The following PDE4D variants were observed in gnomAD, a reference collection of about 807,000 sequenced individuals.
PDE4D encodes 3',5'-cyclic-AMP phosphodiesterase 4D.
In PDE4D, 24 loss-of-function variants were observed where a neutral mutation model predicts 87.4. The ratio of observed to expected loss-of-function variants is 0.27; its 90% CI spans 0.20 to 0.39. The LOEUF is 0.39. PDE4D is among the 10% of genes least tolerant of loss of function. PDE4D has a pLI of 1.00. For synonymous variants in PDE4D, 384 were observed against 383.2 expected, an observed-to-expected ratio of 1.00 and a Z score of -0.02; for missense variants, 714 against 1,041.0, an observed-to-expected ratio of 0.69 and a Z score of 4.32.
intron 1 of PDE4D, among the ~76,000 whole-genome samples, chr5:59,239,816 A>G (rs1328905953): frequency 6.6e-6 from 1 of 152,192 alleles, no homozygotes; most frequent in Non-Finnish European, 1.5e-5. Flanking sequence ...GGGGACCTTA[A>G]GCAAAGCTTC....
intron 5 of PDE4D, among the ~76,000 whole-genome samples, chr5:59,171,367 G>A (rs1458298135): frequency 6.6e-6 from 1 of 152,096 alleles, no homozygotes; most frequent in Non-Finnish European, 1.5e-5. Flanking sequence ...GAAGAGTATG[G>A]GGCTGCCCCT....
chr5:59,198,974 G>A (rs1746108791), intron 2 of PDE4D, among the ~76,000 whole-genome samples: 1 of 152,120 alleles, frequency 6.6e-6, no homozygotes. Context: ...ATTTCCTATA[G>A]AAGTTCATTT....
intron 3 of PDE4D, among the ~76,000 whole-genome samples, chr5:59,979,824 GA>G (rs1422644852): frequency 6.6e-6 from 1 of 152,008 alleles, no homozygotes; most frequent in Non-Finnish European, 1.5e-5. Context: ...TAAGTACCTA[GA>G]ATTTTTTTTT....
At position 60,336,730 on chromosome 5, in the gene PDE4D, T is replaced by C. The variant is rs548814563; in HGVS notation, c.-89-151043A>G. On this transcript the variant is annotated intron_variant, in intron 1 of 16. Transcript: ENST00000502484. ...TGTTGATAGGATCCATGGTCTCTTC[T>C]TGCAGTTTCCTTCTCTGTCTGCCAA... 3.9e-5 allele frequency among the ~76,000 whole-genome samples: 6 copies of C among 152,338 alleles called. No homozygotes were observed. In the East Asian group the frequency reaches 1.2e-3, roughly 29 times the overall value.
chr5:59,553,743 G>A (rs868693003), intron 1 of PDE4D, among the ~76,000 whole-genome samples: 4 of 152,080 alleles, frequency 2.6e-5, no homozygotes, highest in Middle Eastern at 3.4e-3. Flanking sequence ...GATTAACAGG[G>A]CATAATAAGC....
intron 1 of PDE4D, among the ~76,000 whole-genome samples, chr5:60,341,789 T>G (rs1332255815): frequency 6.6e-6 from 1 of 152,134 alleles, no homozygotes. Context: ...AACTCAGAAC[T>G]ATGCACCAGA....
At chr5:59,123,136 T>C (rs1774842590) in intron 5 of PDE4D, among the ~76,000 whole-genome samples, 1 of 152,094 alleles carries the variant, frequency 6.6e-6, no homozygotes, top group Non-Finnish European at 1.5e-5. Context: ...TAAGGCATGG[T>C]TGAACTGATC....
intron 1 of PDE4D, among the ~76,000 whole-genome samples, chr5:59,315,670 T>A (rs1257881291): frequency 1.3e-5 from 2 of 152,118 alleles, no homozygotes; most frequent in African/African-American, 2.4e-5. Flanking sequence ...AACTTTGCGA[T>A]AAAACCCTAG....
At chr5:60,022,481 T>A (rs935784422) in intron 2 of PDE4D, 1 of 152,182 alleles carries the variant, frequency 6.6e-6, no homozygotes, top group Non-Finnish European at 1.5e-5. Context: ...ATCCAATTTT[T>A]AAAATGTGAA....
intron 1 of PDE4D, among the ~76,000 whole-genome samples, chr5:59,676,949 CT>C (rs1748189651): frequency 6.6e-6 from 1 of 151,974 alleles, no homozygotes; most frequent in African/African-American, 2.4e-5. Context: ...TTTCCAGCCT[CT>C]AGTAATCTCT....
At chr5:60,073,050 T>C (rs1469759913) in intron 2 of PDE4D, among the ~76,000 whole-genome samples, 2 of 152,262 alleles carry the variant, frequency 1.3e-5, no homozygotes, top group Admixed American at 6.5e-5. Flanking sequence ...AATACTATGT[T>C]GAATAGGAGT....
chr5:60,187,531 G>C (rs973815426), intron 1 of PDE4D, among the ~76,000 whole-genome samples: 1 of 152,118 alleles, frequency 6.6e-6, no homozygotes, highest in Non-Finnish European at 1.5e-5. Flanking sequence ...GCCCTACTGG[G>C]CTAGTGACTC....
At chr5:59,517,684 AG>A (rs1811420407) in intron 1 of PDE4D, among the ~76,000 whole-genome samples, 1 of 152,196 alleles carries the variant, frequency 6.6e-6, no homozygotes, top group Non-Finnish European at 1.5e-5. Flanking sequence ...TATATTTCAT[AG>A]GGTTGTAGCA....
chr5:59,649,837 T>A (rs1036910198), intron 1 of PDE4D, among the ~76,000 whole-genome samples: 5 of 147,144 alleles, frequency 3.4e-5, no homozygotes, highest in Admixed American at 7.2e-5. Context: ...AAAATAATCA[T>A]TCAAAATCAC....
At chr5:59,807,548 G>C (rs972042852) in intron 1 of PDE4D, among the ~76,000 whole-genome samples, 7 of 152,200 alleles carry the variant, frequency 4.6e-5, no homozygotes, top group African/African-American at 1.7e-4. Context: ...GAGCCAGATG[G>C]GAAGAGAAGA....
intron 1 of PDE4D, among the ~76,000 whole-genome samples, chr5:59,885,260 GA>G (rs1311579606): frequency 6.6e-6 from 1 of 151,880 alleles, no homozygotes; most frequent in Non-Finnish European, 1.5e-5. Flanking sequence ...ATCTTATAAG[GA>G]AAAACAGTCT....
intron 2 of PDE4D, among the ~76,000 whole-genome samples, chr5:60,131,701 A>G (rs1310769775): frequency 6.6e-6 from 1 of 152,226 alleles, no homozygotes; most frequent in African/African-American, 2.4e-5. Context: ...ATATAAGCCC[A>G]GCCAAAATGG....
intron 1 of PDE4D, among the ~76,000 whole-genome samples, chr5:59,258,495 A>G (rs1761384503): frequency 6.6e-6 from 1 of 151,876 alleles, no homozygotes; most frequent in Admixed American, 6.6e-5. Flanking sequence ...TACCCTAAAT[A>G]AAACTGTAGA....
At chr5:59,371,544 A>C (rs182775354) in intron 1 of PDE4D, among the ~76,000 whole-genome samples, 1 of 152,286 alleles carries the variant, frequency 6.6e-6, no homozygotes, top group Admixed American at 6.5e-5. Flanking sequence ...ATACTCAGTT[A>C]AGGTGGTTTT....
Sources: gnomAD v4.1 joint callset for allele counts (sites outside exome capture counted in the v4.1 genomes callset) on GRCh38, gnomAD v4.1.1 for gene constraint, MANE v1.5 for transcripts, NCBI Gene and HGNC (gene_info 2026-07-23, HGNC 2026-07-21) for gene names.